Variants in SETD2 observed in about 807,000 individuals in gnomAD.
The protein encoded by SETD2 is histone-lysine N-methyltransferase SETD2.
In SETD2, 31 loss-of-function variants were observed where a neutral mutation model predicts 242.1. That is an observed-to-expected ratio of 0.13 (90% confidence interval 0.10 to 0.17). SETD2 has a LOEUF of 0.17. Among genes scored for constraint, SETD2 ranks in the 10% least tolerant of loss-of-function variants. The probability of loss-of-function intolerance (pLI) is 1.00; values close to 1 mark genes in which losing one functional copy is unlikely to be tolerated. For missense variants in SETD2, 2,481 were observed against 3,046.3 expected (o/e 0.81, Z 4.37); for synonymous variants, 1,006 against 1,066.5 (o/e 0.94, Z 1.11).
intron 12 of SETD2, among the ~76,000 whole-genome samples, chr3:47,071,873 T>C (rs1004452822): frequency 2.0e-5 from 3 of 152,176 alleles, no homozygotes; most frequent in Admixed American, 6.5e-5. Context: ...ACTTCATTAA[T>C]ACATCCCAAA....
At chr3:47,074,280 GA>G (rs1366968681) in intron 12 of SETD2, among the ~76,000 whole-genome samples, 39 of 152,296 alleles carry the variant, frequency 2.6e-4, no homozygotes, top group African/African-American at 9.1e-4. Flanking sequence ...AGCTACACAA[GA>G]AACTGCTTGA....
intron 1 of SETD2, 98 bp downstream of exon 1, chr3:47,163,756 C>T (rs1267508653): frequency 8.8e-7 from 1 of 1,137,608 alleles, no homozygotes; most frequent in Non-Finnish European, 1.1e-6. Flanking sequence ...GCCTGTTACT[C>T]CTCGCGCCGG....
At chr3:47,078,229 G>C (rs1034352395) in intron 12 of SETD2, among the ~76,000 whole-genome samples, 1 of 152,132 alleles carries the variant, frequency 6.6e-6, no homozygotes, top group Non-Finnish European at 1.5e-5. Context: ...AAGTCTGGCA[G>C]ACTACTGCTT....
chr3:47,043,767 G>C (rs1030482905), intron 16 of SETD2, among the ~76,000 whole-genome samples: 1 of 152,008 alleles, frequency 6.6e-6, no homozygotes, highest in African/African-American at 2.4e-5. Flanking sequence ...GGGGTTTTCT[G>C]GCCCAGCTTA....
chr3:47,118,399 T>C (rs1248397864), intron 3 of SETD2, among the ~76,000 whole-genome samples: 1 of 152,164 alleles, frequency 6.6e-6, no homozygotes, highest in Non-Finnish European at 1.5e-5. Flanking sequence ...GGCTCCTAAA[T>C]GCCTAGCATA....
intron 15 of SETD2, among the ~76,000 whole-genome samples, chr3:47,050,204 G>A (rs1559665352): frequency 6.6e-6 from 1 of 151,664 alleles, no homozygotes; most frequent in Non-Finnish European, 1.5e-5. Context: ...TCAATACACT[G>A]ATTTTTACAA....
intron 12 of SETD2, among the ~76,000 whole-genome samples, chr3:47,083,035 C>A (rs1018351571): frequency 6.6e-6 from 1 of 152,226 alleles, no homozygotes; most frequent in Admixed American, 6.5e-5. Context: ...AAATGTACCA[C>A]ACCTCTCCTA....
intron 7 of SETD2, 71 bp from the exon 8 acceptor site, chr3:47,101,626 G>C (rs561039891): frequency 1.2e-6 from 1 of 839,526 alleles, no homozygotes; most frequent in African/African-American, 1.7e-5. Context: ...GTGTGTGTGT[G>C]TGTGTGTGCG....
intron 1 of SETD2, among the ~76,000 whole-genome samples, chr3:47,146,484 C>A (rs1192443039): frequency 6.6e-6 from 1 of 151,858 alleles, no homozygotes; most frequent in Non-Finnish European, 1.5e-5. Context: ...AAAAATTAAC[C>A]AGTCATAGTG....
chr3:47,154,769 G>A (rs559287109), intron 1 of SETD2, among the ~76,000 whole-genome samples: 68 of 152,202 alleles, frequency 4.5e-4, no homozygotes, highest in African/African-American at 1.6e-3. Flanking sequence ...TGAGACGGAC[G>A]GATCACAAGG....
intron 1 of SETD2, among the ~76,000 whole-genome samples, chr3:47,138,780 G>A (rs1304726478): frequency 6.6e-6 from 1 of 151,922 alleles, no homozygotes; most frequent in Non-Finnish European, 1.5e-5. Flanking sequence ...TGGCCAGGCT[G>A]GTCTCAAATT....
At chr3:47,063,966 G>A (rs1428634701) in intron 13 of SETD2, among the ~76,000 whole-genome samples, 3 of 142,736 alleles carry the variant, frequency 2.1e-5, no homozygotes, top group African/African-American at 8.1e-5. Flanking sequence ...CTGGGCGACA[G>A]AGCTAGACTC....
In SETD2 at chr3:47,057,264, G is replaced by T; in HGVS notation, c.6520C>A (p.Gln2174Lys). Residue 2174 changes from glutamine to lysine, a missense_variant, in exon 15 of 21, where the codon CAG becomes AAG. Gln to Lys is a moderately conservative substitution (Grantham distance 53). Transcript: ENST00000409792. Reference protein sequence around the residue: ...FAGYPPGYPMQAYVDPSNPNA... With the variant: ...FAGYPPGYPMKAYVDPSNPNA... ...GGGTTGCTGGGATCCACATAGGCCT[G>T]CATGGGATAACCTGGTGGGTAACCA... The T allele has an allele frequency of 6.2e-7, 1 of 1,614,206 alleles. No homozygotes were observed. Among genetic ancestry groups the T allele is most frequent in the Non-Finnish European group, 8.5e-7 (1 of 1,180,038 alleles).
intron 1 of SETD2, among the ~76,000 whole-genome samples, chr3:47,158,629 C>T (rs1697388528): frequency 6.6e-6 from 1 of 152,152 alleles, no homozygotes; most frequent in Admixed American, 6.5e-5. Context: ...ACATAACATA[C>T]AACAAAGTAT....
chr3:47,086,323 G>C lies in SETD2; in HGVS notation c.5278-9C>G, dbSNP rs1019906591. On this transcript the variant is annotated splice_polypyrimidine_tract_variant and intron_variant, in intron 10 of 20. Transcript: ENST00000409792. ...GACTGTGAGTGTGTGTTCTTTCATG[G>C]GGGAAGGGAGACACGATGCAGAGCA... The C allele has an allele frequency of 6.8e-6, 11 of 1,610,476 alleles. No homozygotes were observed. The highest frequency in any genetic ancestry group is 1.3e-5 in the African/African-American group (1 of 74,802).
At chr3:47,037,130 T>TA in intron 18 of SETD2, among the ~76,000 whole-genome samples, 1 of 150,250 alleles carries the variant, frequency 6.7e-6, no homozygotes, top group East Asian at 2.0e-4. Flanking sequence ...TTATATTTTT[T>TA]TATTTTATTA....
Position 47,056,946 on chromosome 3 carries a change from C to G in SETD2, c.6838G>C (p.Val2280Leu), listed in dbSNP as rs752287641. 5 of 1,614,248 alleles carry G rather than the reference C, an allele frequency of 3.1e-6. No individual in the cohort carries two copies. Among genetic ancestry groups the G allele is most frequent in the Non-Finnish European group, 4.2e-6 (5 of 1,180,042 alleles). ...GGAGAGTACTGCTGCTGTACACTGA[C>G]AGACTGTTGGTTTGAATCCCAAACA... ...YSVWDSNQQS[V>L]SVQQQYSPAQ... Residue 2280 changes from valine (V) to leucine (L), a missense_variant, in exon 15 of 21, where the codon GTC (valine) becomes CTC (leucine). Coordinates refer to ENST00000409792, the MANE Select transcript of SETD2 (RefSeq NM_014159.7).
chr3:47,111,079 TA>T (rs10672755), intron 5 of SETD2, among the ~76,000 whole-genome samples: 9,064 of 76,990 alleles, frequency 0.12, 374 homozygotes, highest in East Asian at 0.16. Context: ...GTGGTTCCTT[TA>T]AAAAAAAAAA....
chr3:47,028,099 C>T (rs767584701), intron 18 of SETD2, among the ~76,000 whole-genome samples: 4 of 152,090 alleles, frequency 2.6e-5, no homozygotes, highest in Admixed American at 6.5e-5. Context: ...TGAATTAGCC[C>T]TCTCAGAGTT....
Sources: allele counts gnomAD v4.1 joint callset (sites outside exome capture counted in the v4.1 genomes callset), GRCh38; gene constraint gnomAD v4.1.1; transcripts MANE v1.5; gene names NCBI Gene and HGNC (gene_info 2026-07-23, HGNC 2026-07-21).